The following SEL1L2 variants were observed in gnomAD, a reference collection of about 807,000 sequenced individuals.
The protein encoded by SEL1L2 is SEL1L2 adaptor subunit of SYVN1 ubiquitin ligase.
In SEL1L2, 89 loss-of-function variants were observed where a neutral mutation model predicts 98.8. That is an observed-to-expected ratio of 0.90 (90% CI 0.76 to 1.07). SEL1L2 has a LOEUF of 1.07. SEL1L2 is among the 50% of genes least tolerant of loss of function. The probability of loss-of-function intolerance (pLI) is 0.00; values close to 1 mark genes in which losing one functional copy is unlikely to be tolerated. For synonymous variants in SEL1L2, 262 were observed against 278.5 expected, an observed-to-expected ratio of 0.94 and a Z score of 0.59; for missense variants, 788 against 812.0, an observed-to-expected ratio of 0.97 and a Z score of 0.36.
intron 12 of SEL1L2, among the ~76,000 whole-genome samples, 172 bp downstream of exon 12, chr20:13,875,866 A>T (rs2046403482): frequency 6.6e-6 from 1 of 152,222 alleles, no homozygotes; most frequent in Non-Finnish European, 1.5e-5. Flanking sequence ...CAAGAAGGCA[A>T]GTTGTAGCTT....
chr20:13,935,029 C>T (rs185934200), intron 2 of SEL1L2, among the ~76,000 whole-genome samples: 1 of 152,162 alleles, frequency 6.6e-6, no homozygotes, highest in Non-Finnish European at 1.5e-5. Flanking sequence ...TCAACAATAA[C>T]TAGCATCTAA....
intron 1 of SEL1L2, among the ~76,000 whole-genome samples, chr20:13,959,425 G>A (rs1229065757): frequency 6.6e-6 from 1 of 152,112 alleles, no homozygotes; most frequent in African/African-American, 2.4e-5. Context: ...CATCTGAGAA[G>A]TATGCTCAGC....
At chr20:13,886,210 T>C in intron 9 of SEL1L2, 78 bp downstream of exon 9, 1 of 1,034,880 alleles carries the variant, frequency 9.7e-7, no homozygotes, top group Non-Finnish European at 1.4e-6. Context: ...GCATTGTTCA[T>C]CCCTCCAGGA....
intron 3 of SEL1L2, among the ~76,000 whole-genome samples, chr20:13,930,139 A>G (rs1319852784): frequency 6.6e-6 from 1 of 151,346 alleles, no homozygotes; most frequent in Non-Finnish European, 1.5e-5. Flanking sequence ...GTGCCTTGGG[A>G]CTCTAACTCC....
chr20:13,945,218 T>A (rs1435806845), intron 2 of SEL1L2, among the ~76,000 whole-genome samples: 1 of 152,346 alleles, frequency 6.6e-6, no homozygotes, highest in East Asian at 1.9e-4. Context: ...CTGAAAGCTT[T>A]TTCATTAGTT....
upstream of SEL1L2, among the ~76,000 whole-genome samples, chr20:13,993,883 C>T (rs146176238): frequency 3.9e-5 from 6 of 152,286 alleles, no homozygotes; most frequent in African/African-American, 1.2e-4. Context: ...GGTAATGTCT[C>T]TAATCAAAGA....
At position 13,925,834 on chromosome 20, in the gene SEL1L2, C is replaced by G. The variant is rs75394829; in HGVS notation, c.283+5769G>C. On this transcript the variant is annotated intron_variant, in intron 3 of 19. Coordinates refer to ENST00000284951, the MANE Select transcript of SEL1L2 (RefSeq NM_025229.2). ...TAGGTATTTGTAGCAAGAGGATTTTCCTATTGGATTAACCCACCATTTTGC... is the reference window on the plus strand; with the variant it reads ...TAGGTATTTGTAGCAAGAGGATTTTGCTATTGGATTAACCCACCATTTTGC... Among the ~76,000 whole-genome samples, 145 of 152,268 alleles carry G rather than the reference C, an allele frequency of 9.5e-4. 1 individual carries two copies. The highest frequency in any genetic ancestry group is 3.3e-3 in the African/African-American group (139 of 41,552).
chr20:13,962,901 T>TA (rs939133093), intron 1 of SEL1L2, among the ~76,000 whole-genome samples: 197 of 151,900 alleles, frequency 1.3e-3, no homozygotes, highest in Middle Eastern at 6.8e-3. Flanking sequence ...CCATCTCTGC[T>TA]AAAAAATATA....
At chr20:13,974,475 CT>C (rs11484437) in intron 1 of SEL1L2, among the ~76,000 whole-genome samples, 15 of 80,186 alleles carry the variant, frequency 1.9e-4, no homozygotes, top group East Asian at 4.5e-4. Flanking sequence ...CTCTCTCTCT[CT>C]TTTTTTTTTT....
chr20:13,859,479 C>G (rs772297324), intron 17 of SEL1L2, 45 bp from the exon 18 acceptor site: 24 of 1,520,968 alleles, frequency 1.6e-5, no homozygotes, highest in Non-Finnish European at 2.2e-5. Flanking sequence ...TCAAATGATT[C>G]ATGTATAGTT....
chr20:13,985,603 T>C (rs1454119543), intron 1 of SEL1L2, among the ~76,000 whole-genome samples: 1 of 152,232 alleles, frequency 6.6e-6, no homozygotes, highest in Non-Finnish European at 1.5e-5. Flanking sequence ...TTCGAGACTC[T>C]AAGCTGCTCA....
chr20:13,987,640 G>A (rs988535093), intron 1 of SEL1L2, among the ~76,000 whole-genome samples: 3 of 152,078 alleles, frequency 2.0e-5, no homozygotes, highest in East Asian at 1.9e-4. Context: ...GAGCCACTGC[G>A]CCCGGCCGAT....
At chr20:13,975,643 A>C (rs555761025) in intron 1 of SEL1L2, among the ~76,000 whole-genome samples, 25 of 152,246 alleles carry the variant, frequency 1.6e-4, no homozygotes, top group Admixed American at 5.2e-4. Context: ...ACTACTATTT[A>C]ATTTTATAAG....
intron 1 of SEL1L2, among the ~76,000 whole-genome samples, chr20:13,960,186 T>A (rs936992615): frequency 6.6e-6 from 1 of 152,110 alleles, no homozygotes; most frequent in Non-Finnish European, 1.5e-5. Flanking sequence ...CAGAATAAAA[T>A]TAGAGTTAGT....
chr20:13,955,424 G>T (rs141056871), intron 2 of SEL1L2, among the ~76,000 whole-genome samples: 5 of 152,094 alleles, frequency 3.3e-5, no homozygotes, highest in African/African-American at 9.6e-5. Flanking sequence ...AACACGAAAG[G>T]GGGGCACATG....
At chr20:13,956,989 C>A (rs760291502) in intron 1 of SEL1L2, among the ~76,000 whole-genome samples, 5 of 151,906 alleles carry the variant, frequency 3.3e-5, no homozygotes, top group Non-Finnish European at 7.4e-5. Context: ...GACCACAAAC[C>A]AATATGAAAT....
chr20:13,949,135 G>T (rs1258351712), intron 2 of SEL1L2, among the ~76,000 whole-genome samples: 1 of 152,100 alleles, frequency 6.6e-6, no homozygotes, highest in Non-Finnish European at 1.5e-5. Flanking sequence ...GAAAATATTT[G>T]CAAATTAGAT....
intron 1 of SEL1L2, among the ~76,000 whole-genome samples, chr20:13,980,624 C>T (rs916427853): frequency 6.6e-6 from 1 of 152,148 alleles, no homozygotes; most frequent in Non-Finnish European, 1.5e-5. Context: ...ATCCAGCAAT[C>T]CCCCCTCTAG....
intron 1 of SEL1L2, among the ~76,000 whole-genome samples, chr20:13,964,664 C>T (rs975349234): frequency 1.3e-5 from 2 of 152,026 alleles, no homozygotes; most frequent in Non-Finnish European, 2.9e-5. Context: ...GTTGGCCAGG[C>T]TGGTCTCAAG....
Sources: allele counts gnomAD v4.1 joint callset (sites outside exome capture counted in the v4.1 genomes callset), GRCh38; gene constraint gnomAD v4.1.1; transcripts MANE v1.5; gene names NCBI Gene and HGNC (gene_info 2026-07-23, HGNC 2026-07-21).